The following MAGI1 variants were observed in gnomAD, a reference collection of about 807,000 sequenced individuals.
MAGI1 encodes membrane-associated guanylate kinase, WW and PDZ domain-containing protein 1.
Under a neutral mutation model 139.9 loss-of-function variants are expected in MAGI1, and 58 were observed. That is an observed-to-expected ratio of 0.41 (90% CI 0.34 to 0.52). MAGI1 has a LOEUF of 0.52. Ranked by LOEUF, MAGI1 falls within the 20% of genes least tolerant of loss-of-function variation. The probability of loss-of-function intolerance (pLI) is 0.12; values close to 1 mark genes in which losing one functional copy is unlikely to be tolerated. For synonymous variants in MAGI1, 812 were observed against 737.9 expected (o/e 1.10, Z -1.63); for missense variants, 1,874 against 1,901.6 (o/e 0.99, Z 0.27).
chr3:65,424,634 G>T (rs1946875415), intron 12 of MAGI1, among the ~76,000 whole-genome samples: 1 of 152,092 alleles, frequency 6.6e-6, no homozygotes, highest in Admixed American at 6.6e-5. Context: ...ATTCTCCTTG[G>T]AAGTAGAAAA....
chr3:65,405,183 G>A (rs1945237442), intron 12 of MAGI1, among the ~76,000 whole-genome samples: 1 of 152,144 alleles, frequency 6.6e-6, no homozygotes, highest in Admixed American at 6.6e-5. Flanking sequence ...AAAAGCTTGG[G>A]ACTTGAGTAT....
chr3:65,924,170 T>C (rs1354282800), intron 1 of MAGI1, among the ~76,000 whole-genome samples: 1 of 152,156 alleles, frequency 6.6e-6, no homozygotes, highest in Non-Finnish European at 1.5e-5. Flanking sequence ...AAAAGTAGCA[T>C]TTTCCATCAT....
chr3:65,375,187 CTTT>C (rs5849664), intron 18 of MAGI1, among the ~76,000 whole-genome samples: 6 of 133,062 alleles, frequency 4.5e-5, no homozygotes, highest in Non-Finnish European at 6.4e-5. Context: ...TTTTCTGAAA[CTTT>C]TTTTTTTTTT....
chr3:65,423,382 G>GCA (rs374242651), intron 12 of MAGI1, among the ~76,000 whole-genome samples: 5 of 141,224 alleles, frequency 3.5e-5, no homozygotes, highest in South Asian at 2.2e-4. Flanking sequence ...GTGCACACAC[G>GCA]CGCACACACA....
rs187578326 is a variant in MAGI1, at chr3:65,959,971, A to G, written c.313+78025T>C. Among the ~76,000 whole-genome samples, 130 of 150,794 alleles carry G rather than the reference A, an allele frequency of 8.6e-4. 1 individual carries two copies. Among genetic ancestry groups the G allele is most frequent in the Middle Eastern group, 3.4e-3 (1 of 292 alleles). On this transcript the variant is annotated intron_variant, in intron 1 of 22. Transcript: ENST00000402939. ...CAGGAGCCCGCCATCACGCCCAGCT[A>G]ATTTTTTTGTATTTTTTAGTAGAGA...
At chr3:65,759,299 T>C (rs1044392796) in intron 1 of MAGI1, among the ~76,000 whole-genome samples, 3 of 152,152 alleles carry the variant, frequency 2.0e-5, no homozygotes, top group African/African-American at 4.8e-5. Flanking sequence ...TATTCATGGA[T>C]GTCATTTAAC....
chr3:65,755,721 C>G (rs2036515545), intron 1 of MAGI1, among the ~76,000 whole-genome samples: 2 of 151,880 alleles, frequency 1.3e-5, no homozygotes, highest in African/African-American at 4.8e-5. Flanking sequence ...ACTAACTTAC[C>G]CACAATTGAG....
chr3:65,542,535 T>G (rs563952060), intron 2 of MAGI1, among the ~76,000 whole-genome samples: 1 of 152,280 alleles, frequency 6.6e-6, no homozygotes, highest in East Asian at 1.9e-4. Context: ...CAAAACAGCA[T>G]GGTACTGGTA....
chr3:65,363,248 A>G (rs1052853361), intron 21 of MAGI1, among the ~76,000 whole-genome samples: 3 of 152,130 alleles, frequency 2.0e-5, no homozygotes, highest in African/African-American at 4.8e-5. Context: ...CCCTATATCA[A>G]CCCCAAAGAG....
intron 5 of MAGI1, among the ~76,000 whole-genome samples, chr3:65,460,994 G>A (rs1265643326): frequency 6.6e-6 from 1 of 151,658 alleles, no homozygotes; most frequent in Non-Finnish European, 1.5e-5. Context: ...TTGTGAATAG[G>A]GCTGCAATAA....
intron 1 of MAGI1, among the ~76,000 whole-genome samples, chr3:65,914,530 C>T (rs1446109495): frequency 6.6e-6 from 1 of 152,174 alleles, no homozygotes; most frequent in East Asian, 1.9e-4. Flanking sequence ...CATTCACGCT[C>T]AATTCAATTA....
At chr3:65,475,270 A>G (rs765293404) in intron 4 of MAGI1, among the ~76,000 whole-genome samples, 21 of 152,058 alleles carry the variant, frequency 1.4e-4, no homozygotes, top group Non-Finnish European at 2.6e-4. Context: ...CTGGAGTACA[A>G]TGGTGCAGCC....
chr3:66,013,866 C>T (rs1280326295), intron 1 of MAGI1, among the ~76,000 whole-genome samples: 2 of 152,106 alleles, frequency 1.3e-5, no homozygotes, highest in South Asian at 2.1e-4. Context: ...ATGAAAACAT[C>T]GTCAATGATT....
At chr3:65,930,041 G>A (rs565183810) in intron 1 of MAGI1, among the ~76,000 whole-genome samples, 2 of 152,188 alleles carry the variant, frequency 1.3e-5, no homozygotes, top group Admixed American at 6.5e-5. Context: ...TCTAGGCCGG[G>A]CGCGTTGGCT....
intron 1 of MAGI1, among the ~76,000 whole-genome samples, chr3:65,891,501 TA>T (rs1266323484): frequency 6.6e-6 from 1 of 151,894 alleles, no homozygotes; most frequent in Non-Finnish European, 1.5e-5. Context: ...CCCAACAAAC[TA>T]AAATGTTAGA....
intron 1 of MAGI1, among the ~76,000 whole-genome samples, chr3:66,016,903 A>G (rs566565226): frequency 1.4e-3 from 209 of 152,328 alleles, no homozygotes; most frequent in African/African-American, 4.6e-3. Flanking sequence ...AAAAGGGTAA[A>G]CACTGTACGA....
At chr3:65,950,067 C>CAAAAAAAAACAAAAAAAAAAAAAAAAA (rs2063733550) in intron 1 of MAGI1, among the ~76,000 whole-genome samples, 13 of 76,728 alleles carry the variant, frequency 1.7e-4, no homozygotes, top group South Asian at 5.6e-4. Flanking sequence ...AACAAAAAAA[C>CAAAAAAAAACAAAAAAAAAAAAAAAAA]AAAAAAAAAA....
At position 65,663,790 on chromosome 3, in the gene MAGI1, C is replaced by T. The variant is rs115191596; in HGVS notation, c.314-41702G>A. Among the ~76,000 whole-genome samples, 310 of 152,208 alleles carry T rather than the reference C, an allele frequency of 2.0e-3. 1 individual carries two copies. The highest frequency in any genetic ancestry group is 3.5e-3 in the Non-Finnish European group (240 of 68,014). On this transcript the variant is annotated intron_variant, in intron 1 of 22. Transcript: ENST00000402939. The stretch of plus-strand genomic sequence containing the variant: ...TAAGATGTTCAGCAGTATCTTTGAC[C>T]TAAACCCACTAGGTCAGTAGTCAGT...
At chr3:65,740,973 G>C (rs1277683415) in intron 1 of MAGI1, among the ~76,000 whole-genome samples, 1 of 152,040 alleles carries the variant, frequency 6.6e-6, no homozygotes, top group Non-Finnish European at 1.5e-5. Context: ...TACTGTTTTT[G>C]TAATGGGGGA....
Sources: allele counts gnomAD v4.1 joint callset (sites outside exome capture counted in the v4.1 genomes callset), GRCh38; gene constraint gnomAD v4.1.1; transcripts MANE v1.5; gene names NCBI Gene and HGNC (gene_info 2026-07-23, HGNC 2026-07-21).